CAMTA1: variants seen among roughly 807,000 people sequenced by gnomAD.
CAMTA1 encodes the protein calmodulin-binding transcription activator 1.
In CAMTA1, 27 loss-of-function variants were observed where a neutral mutation model predicts 170.9. The observed-to-expected ratio is 0.16, with a 90% confidence interval of 0.12 to 0.22. CAMTA1 has a LOEUF of 0.22. Ranked by LOEUF, CAMTA1 falls within the 10% of genes least tolerant of loss-of-function variation. The pLI, the probability that CAMTA1 is intolerant of heterozygous loss-of-function variation, is 1.00. For synonymous variants in CAMTA1, 833 were observed against 891.5 expected, an observed-to-expected ratio of 0.93 and a Z score of 1.17; for missense variants, 1,619 against 2,217.2, an observed-to-expected ratio of 0.73 and a Z score of 5.42.
intron 4 of CAMTA1, among the ~76,000 whole-genome samples, chr1:7,243,637 A>C (rs1429062048): frequency 1.3e-5 from 2 of 152,186 alleles, no homozygotes; most frequent in Non-Finnish European, 2.9e-5. Flanking sequence ...GTAGCCTTGT[A>C]GTATAGTTTG....
rs12128526 is a variant in CAMTA1 at position 7,663,897 on chromosome 1, G to C, written c.1350G>C (p.Ser450=). ...HKFAFPTTGS[S]ESLSMLPTNV... ...TCGCCTTTCCCACCACGGGCAGCTCGGAGAGCCTGTCCATGCTGCCCACCA... is the reference window on the plus strand; with the variant it reads ...TCGCCTTTCCCACCACGGGCAGCTCCGAGAGCCTGTCCATGCTGCCCACCA... The change falls in exon 9 of 23, where the codon TCG becomes TCC. Residue 450 remains serine, a synonymous_variant. Coordinates refer to ENST00000303635, the MANE Select transcript of CAMTA1 (RefSeq NM_015215.4). 13 of 1,613,462 alleles carry C rather than the reference G, an allele frequency of 8.1e-6. No homozygotes were observed. The highest frequency in any genetic ancestry group is 1.3e-5 in the African/African-American group (1 of 74,840).
chr1:7,071,005 A>G (rs1298728119), intron 3 of CAMTA1, among the ~76,000 whole-genome samples: 2 of 152,200 alleles, frequency 1.3e-5, no homozygotes, highest in Admixed American at 6.5e-5. Context: ...TGCTCTTTGC[A>G]GGGGCTTGCT....
At chr1:7,481,598 A>G (rs562189926) in intron 6 of CAMTA1, among the ~76,000 whole-genome samples, 1 of 152,294 alleles carries the variant, frequency 6.6e-6, no homozygotes, top group African/African-American at 2.4e-5. Flanking sequence ...ATATACAGAA[A>G]AGTTGAGAGA....
chr1:7,739,780 C>A (rs1361130802), intron 16 of CAMTA1, among the ~76,000 whole-genome samples: 1 of 152,180 alleles, frequency 6.6e-6, no homozygotes, highest in Non-Finnish European at 1.5e-5. Flanking sequence ...AATACGTGGG[C>A]ATTATGGGAG....
At chr1:7,140,199 G>A (rs1434163872) in intron 4 of CAMTA1, among the ~76,000 whole-genome samples, 1 of 152,178 alleles carries the variant, frequency 6.6e-6, no homozygotes, top group Non-Finnish European at 1.5e-5. Flanking sequence ...AGCTTCTCAA[G>A]CCCAACCTTG....
intron 5 of CAMTA1, among the ~76,000 whole-genome samples, chr1:7,420,667 A>T (rs192716757): frequency 9.5e-4 from 145 of 152,192 alleles, no homozygotes; most frequent in African/African-American, 3.3e-3. Flanking sequence ...CTGGAAATCC[A>T]TGCGTATAAC....
chr1:6,996,023 T>C (rs1354945562), intron 3 of CAMTA1, among the ~76,000 whole-genome samples: 1 of 152,248 alleles, frequency 6.6e-6, no homozygotes, highest in Non-Finnish European at 1.5e-5. Flanking sequence ...GGCTTCAGAA[T>C]GGTTGGTTTG....
At chr1:7,155,122 G>C (rs1186486420) in intron 4 of CAMTA1, among the ~76,000 whole-genome samples, 1 of 152,196 alleles carries the variant, frequency 6.6e-6, no homozygotes, top group Non-Finnish European at 1.5e-5. Flanking sequence ...GAACAGGATG[G>C]TGGCAGAGAG....
intron 5 of CAMTA1, among the ~76,000 whole-genome samples, chr1:7,444,861 C>T (rs910490959): frequency 1.3e-5 from 2 of 152,152 alleles, no homozygotes; most frequent in African/African-American, 4.8e-5. Flanking sequence ...GTTCAACAAG[C>T]AATTGAGCAC....
At chr1:6,957,047 A>G (rs1262249960) in intron 3 of CAMTA1, among the ~76,000 whole-genome samples, 2 of 152,198 alleles carry the variant, frequency 1.3e-5, no homozygotes, top group African/African-American at 4.8e-5. Context: ...GACAAAACCC[A>G]CGAATCAGAG....
intron 4 of CAMTA1, among the ~76,000 whole-genome samples, chr1:7,103,834 CT>C (rs1334024333): frequency 0.19 from 6,172 of 32,488 alleles, 467 homozygotes; most frequent in African/African-American, 0.47. Context: ...GCACACACAA[CT>C]ACACACATGT....
intron 1 of CAMTA1, among the ~76,000 whole-genome samples, chr1:6,806,522 C>T (rs1490703677): frequency 6.6e-6 from 1 of 152,152 alleles, no homozygotes; most frequent in South Asian, 2.1e-4. Flanking sequence ...AAGCATCTTG[C>T]CTTAAAAACA....
chr1:6,842,001 G>A (rs1655933651), intron 3 of CAMTA1, among the ~76,000 whole-genome samples: 1 of 152,082 alleles, frequency 6.6e-6, no homozygotes, highest in Non-Finnish European at 1.5e-5. Flanking sequence ...GGGGAGCCTG[G>A]ATCAGCCATG....
intron 3 of CAMTA1, among the ~76,000 whole-genome samples, chr1:7,079,308 A>T (rs1639707885): frequency 6.6e-6 from 1 of 152,180 alleles, no homozygotes; most frequent in Non-Finnish European, 1.5e-5. Context: ...CTAAAGCCTA[A>T]TGCTCTTTAG....
In CAMTA1 at chr1:7,007,983, T is replaced by G. The variant is rs996226261; in HGVS notation, c.235-83321T>G. Among the ~76,000 whole-genome samples, 2 of 152,298 alleles carry G rather than the reference T, an allele frequency of 1.3e-5. No individual in the cohort carries two copies. Among genetic ancestry groups the G allele is most frequent in the Middle Eastern group, 3.4e-3 (1 of 294 alleles). On this transcript the variant is annotated intron_variant, in intron 3 of 22. Coordinates refer to ENST00000303635, the MANE Select transcript of CAMTA1 (RefSeq NM_015215.4). This position sits in a 1 kb window ranked among gnomAD's most constrained non-coding sequence, Gnocchi z 4.5. ...GGAGGCCCGTGTTGGTGCCCTGTCC[T>G]CATCCAGTGGGAGGGGAGGAGAGAC... is the stretch of plus-strand genomic sequence containing the variant.
intron 4 of CAMTA1, among the ~76,000 whole-genome samples, chr1:7,233,281 C>G (rs1663178604): frequency 6.6e-6 from 1 of 152,186 alleles, no homozygotes; most frequent in Non-Finnish European, 1.5e-5. Flanking sequence ...GAGGCATGGA[C>G]TTTGGCCGGA....
intron 11 of CAMTA1, among the ~76,000 whole-genome samples, chr1:7,714,147 G>A (rs1038076770): frequency 6.6e-6 from 1 of 152,194 alleles, no homozygotes; most frequent in African/African-American, 2.4e-5. Flanking sequence ...AGAAACTAAT[G>A]TGTTATTTCA....
rs1251694909 is a variant in CAMTA1, at chr1:7,146,156, C to A, written c.302+54785C>A. On this transcript the variant is annotated intron_variant, in intron 4 of 22. Transcript: ENST00000303635. The surrounding 1 kb of genome is among the most constrained non-coding windows in gnomAD (Gnocchi z 4.3). ...CCCCTGGGGATGGGCAGTCATGGTG[C>A]TTCCCCGCCCTGGGCAGCTGCTTAT... Among the ~76,000 whole-genome samples, 1 of 151,744 alleles carries A rather than the reference C, an allele frequency of 6.6e-6. No homozygotes were observed. Among genetic ancestry groups the A allele is most frequent in the African/African-American group, 2.4e-5 (1 of 41,290 alleles).
At chr1:7,339,551 T>C (rs1442429464) in intron 5 of CAMTA1, among the ~76,000 whole-genome samples, 2 of 152,156 alleles carry the variant, frequency 1.3e-5, no homozygotes, top group African/African-American at 2.4e-5. Flanking sequence ...TCAAAGCACG[T>C]TCATGCTGAT....
Sources: gnomAD v4.1 joint callset for allele counts (sites outside exome capture counted in the v4.1 genomes callset) on GRCh38, gnomAD v4.1.1 for gene constraint, Gnocchi (gnomAD v3.1) non-coding constraint, MANE v1.5 for transcripts, NCBI Gene and HGNC (gene_info 2026-07-23, HGNC 2026-07-21) for gene names.